Variants in BMP5 observed in about 807,000 individuals in gnomAD.
BMP5 encodes the protein bone morphogenetic protein 5.
BMP5 carries 23 observed loss-of-function variants against 46.6 expected under a neutral mutation model. The ratio of observed to expected loss-of-function variants is 0.49; its 90% CI spans 0.35 to 0.70. The LOEUF (loss-of-function observed/expected upper bound fraction) is 0.70. Among genes scored for constraint, BMP5 ranks in the 30% least tolerant of loss-of-function variants. The probability of loss-of-function intolerance (pLI) is 0.00; values close to 1 mark genes in which losing one functional copy is unlikely to be tolerated. For synonymous variants in BMP5, 204 were observed against 191.9 expected (o/e 1.06, Z -0.52); for missense variants, 545 against 565.6 (o/e 0.96, Z 0.37).
chr6:55,847,811 T>C (rs1777135909), intron 1 of BMP5, among the ~76,000 whole-genome samples: 1 of 151,880 alleles, frequency 6.6e-6, no homozygotes, highest in African/African-American at 2.4e-5. Flanking sequence ...CAGTGATATG[T>C]CTCAATATTG....
intron 1 of BMP5, among the ~76,000 whole-genome samples, chr6:55,820,717 GTTGT>G (rs3065793): frequency 0.023 from 3,550 of 151,342 alleles, 50 homozygotes; most frequent in Non-Finnish European, 0.032. Flanking sequence ...TCTGCCCCGT[GTTGT>G]TTGTTTGTTT....
intron 1 of BMP5, among the ~76,000 whole-genome samples, chr6:55,871,662 G>A (rs1302079099): frequency 7.3e-5 from 11 of 151,456 alleles, no homozygotes; most frequent in African/African-American, 2.2e-4. Flanking sequence ...ATTGTTCTTC[G>A]TGACCAAAAC....
chr6:55,794,197 A>ATCCC, intron 3 of BMP5, 82 bp downstream of exon 3: 16 of 1,443,200 alleles, frequency 1.1e-5, no homozygotes, highest in Non-Finnish European at 1.5e-5. Context: ...TAAAACATAT[A>ATCCC]TTGGTTATAT....
chr6:55,776,039 A>G (rs1182744377), intron 3 of BMP5, among the ~76,000 whole-genome samples: 1 of 152,008 alleles, frequency 6.6e-6, no homozygotes, highest in Admixed American at 6.6e-5. Flanking sequence ...CTGCCTCACA[A>G]ATGCCACTAT....
chr6:55,829,345 T>A (rs1776606219), intron 1 of BMP5, among the ~76,000 whole-genome samples: 1 of 151,586 alleles, frequency 6.6e-6, no homozygotes, highest in Admixed American at 6.6e-5. Context: ...GTTGGTTTTC[T>A]TGTTTTTTTT....
At chr6:55,846,406 A>G (rs1777098956) in intron 1 of BMP5, among the ~76,000 whole-genome samples, 1 of 152,006 alleles carries the variant, frequency 6.6e-6, no homozygotes, top group Non-Finnish European at 1.5e-5. Context: ...TTACATTATT[A>G]GAGAGAGATG....
intron 1 of BMP5, among the ~76,000 whole-genome samples, chr6:55,825,228 A>G (rs1359019372): frequency 6.6e-6 from 1 of 151,918 alleles, no homozygotes; most frequent in Non-Finnish European, 1.5e-5. Context: ...ATGATGGTAA[A>G]CACACTTCCT....
At chr6:55,762,646 A>G (rs1774814745) in intron 4 of BMP5, among the ~76,000 whole-genome samples, 1 of 152,118 alleles carries the variant, frequency 6.6e-6, no homozygotes, top group African/African-American at 2.4e-5. Flanking sequence ...TAAACATGAA[A>G]TGGTTAAATT....
intron 3 of BMP5, among the ~76,000 whole-genome samples, chr6:55,781,600 A>G (rs898943000): frequency 3.3e-5 from 5 of 150,280 alleles, no homozygotes; most frequent in African/African-American, 1.2e-4. Context: ...CTACTATATT[A>G]TTCCAAATTT....
At chr6:55,854,860 G>A (rs1485344734) in intron 1 of BMP5, among the ~76,000 whole-genome samples, 1 of 151,964 alleles carries the variant, frequency 6.6e-6, no homozygotes, top group Non-Finnish European at 1.5e-5. Flanking sequence ...ATTTTGATTT[G>A]CAAATAATTT....
At chr6:55,757,278 A>G (rs1774630954) in intron 6 of BMP5, among the ~76,000 whole-genome samples, 1 of 151,980 alleles carries the variant, frequency 6.6e-6, no homozygotes, top group Admixed American at 6.6e-5. Flanking sequence ...CTAAGGAAGC[A>G]AAAGTCTGCT....
At chr6:55,818,694 T>G (rs1776336075) in intron 2 of BMP5, among the ~76,000 whole-genome samples, 1 of 152,176 alleles carries the variant, frequency 6.6e-6, no homozygotes, top group South Asian at 2.1e-4. Flanking sequence ...ATTGCGAAAT[T>G]CTGCCAAACT....
chr6:55,791,513 T>C (rs1775571681), intron 3 of BMP5, among the ~76,000 whole-genome samples: 1 of 152,186 alleles, frequency 6.6e-6, no homozygotes. Flanking sequence ...AACATTAGTT[T>C]ACTCTAGGCT....
At chr6:55,773,923 A>C in intron 4 of BMP5, 126 bp downstream of exon 4, 1 of 1,049,944 alleles carries the variant, frequency 9.5e-7, no homozygotes, top group Non-Finnish European at 1.5e-6. Context: ...TGCTAGAAAC[A>C]TCACTGGAAG....
chr6:55,841,928 G>GAGAC (rs1776969892), intron 1 of BMP5, among the ~76,000 whole-genome samples: 1 of 152,030 alleles, frequency 6.6e-6, no homozygotes, highest in Non-Finnish European at 1.5e-5. Flanking sequence ...GAGAGAGAGA[G>GAGAC]AGAGAGAGAG....
At chr6:55,762,348 G>A (rs935009916) in intron 4 of BMP5, among the ~76,000 whole-genome samples, 3 of 151,960 alleles carry the variant, frequency 2.0e-5, no homozygotes, top group African/African-American at 7.2e-5. Context: ...GAGATCAAAG[G>A]AGCCCATCAT....
chr6:55,849,370 T>C (rs1398767381), intron 1 of BMP5, among the ~76,000 whole-genome samples: 1 of 152,052 alleles, frequency 6.6e-6, no homozygotes, highest in Non-Finnish European at 1.5e-5. Flanking sequence ...TGCACACATA[T>C]ACCAGGGTAA....
At chr6:55,766,701 C>A (rs1312309913) in intron 4 of BMP5, among the ~76,000 whole-genome samples, 1 of 152,080 alleles carries the variant, frequency 6.6e-6, no homozygotes, top group Non-Finnish European at 1.5e-5. Context: ...GGGAAGACAT[C>A]ACTGCTCCTT....
chr6:55,860,872 T>A (rs1777514011), intron 1 of BMP5, among the ~76,000 whole-genome samples: 1 of 152,248 alleles, frequency 6.6e-6, no homozygotes, highest in Non-Finnish European at 1.5e-5. Context: ...AAATATTTTC[T>A]TTTGGAAAAC....
Sources: gnomAD v4.1 joint callset for allele counts (sites outside exome capture counted in the v4.1 genomes callset) on GRCh38, gnomAD v4.1.1 for gene constraint, MANE v1.5 for transcripts, NCBI Gene and HGNC (gene_info 2026-07-23, HGNC 2026-07-21) for gene names.